CNTN6: variants seen among roughly 807,000 people sequenced by gnomAD.
CNTN6 encodes the protein contactin-6.
A neutral mutation model predicts 122.8 loss-of-function variants in CNTN6; 137 were observed. The observed-to-expected ratio is 1.12, with a 90% CI of 0.97 to 1.29. The LOEUF (loss-of-function observed/expected upper bound fraction) is 1.29, where lower values mean the gene tolerates loss of function less well. Among genes scored for constraint, CNTN6 ranks in the 50% most tolerant of loss-of-function variants. The pLI is 0.00. For synonymous variants in CNTN6, 570 were observed against 426.0 expected, an observed-to-expected ratio of 1.34 and a Z score of -4.16; for missense variants, 1,634 against 1,223.4, an observed-to-expected ratio of 1.34 and a Z score of -5.01.
At chr3:1,352,747 C>T (rs549354060) in intron 12 of CNTN6, among the ~76,000 whole-genome samples, 3 of 151,778 alleles carry the variant, frequency 2.0e-5, no homozygotes, top group East Asian at 3.9e-4. Flanking sequence ...GGGCCATGGA[C>T]GTTTTGATAA....
At chr3:1,283,815 C>T (rs934445462) in intron 5 of CNTN6, among the ~76,000 whole-genome samples, 1 of 152,222 alleles carries the variant, frequency 6.6e-6, no homozygotes, top group East Asian at 1.9e-4. Flanking sequence ...GCCTGGCCAA[C>T]ATGGTGAAAC....
chr3:1,287,591 T>C (rs1413381701), intron 5 of CNTN6, among the ~76,000 whole-genome samples: 1 of 152,140 alleles, frequency 6.6e-6, no homozygotes, highest in East Asian at 1.9e-4. Context: ...TCGGTAGGAC[T>C]GGCTTTGCAA....
intron 4 of CNTN6, among the ~76,000 whole-genome samples, chr3:1,249,597 A>C (rs1434237495): frequency 2.6e-5 from 4 of 152,224 alleles, no homozygotes; most frequent in African/African-American, 9.6e-5. Flanking sequence ...GACGTGATTT[A>C]ACAAGTCAAT....
intron 21 of CNTN6, 27 bp from the exon 22 acceptor site, chr3:1,402,291 G>T: frequency 6.3e-7 from 1 of 1,587,242 alleles, no homozygotes; most frequent in Non-Finnish European, 8.6e-7. Flanking sequence ...ACATGTCCAT[G>T]TTAACTTGAT....
At chr3:1,108,292 T>C (rs2091320115) in intron 1 of CNTN6, among the ~76,000 whole-genome samples, 1 of 152,074 alleles carries the variant, frequency 6.6e-6, no homozygotes, top group East Asian at 1.9e-4. Flanking sequence ...AATATTCGCA[T>C]ATATATAATG....
intron 11 of CNTN6, among the ~76,000 whole-genome samples, chr3:1,341,362 C>A (rs77978900): frequency 0.031 from 4,788 of 152,146 alleles, 126 homozygotes; most frequent in South Asian, 0.053. Flanking sequence ...AATGCTGCAG[C>A]GAATGGAGAC....
At chr3:1,218,258 G>A (rs2094155530) in intron 2 of CNTN6, among the ~76,000 whole-genome samples, 1 of 152,100 alleles carries the variant, frequency 6.6e-6, no homozygotes, top group African/African-American at 2.4e-5. Context: ...GGAGGGTGTT[G>A]AAGGCAGAAG....
chr3:1,368,110 T>A (rs1422497534), intron 12 of CNTN6, among the ~76,000 whole-genome samples: 1 of 152,220 alleles, frequency 6.6e-6, no homozygotes, highest in Admixed American at 6.5e-5. Flanking sequence ...CAGTCAATGA[T>A]AAGAACATTA....
At chr3:1,166,629 A>C (rs1453499482) in intron 2 of CNTN6, among the ~76,000 whole-genome samples, 1 of 152,172 alleles carries the variant, frequency 6.6e-6, no homozygotes, top group African/African-American at 2.4e-5. Flanking sequence ...GGGAGCTCTT[A>C]AGCTGATTAA....
chr3:1,146,957 T>C (rs1575016814), intron 1 of CNTN6, among the ~76,000 whole-genome samples: 1 of 152,128 alleles, frequency 6.6e-6, no homozygotes, highest in Admixed American at 6.6e-5. Flanking sequence ...TTTGATTAAA[T>C]TTGGAAAGCA....
chr3:1,228,154 A>G (rs533276710), intron 4 of CNTN6, among the ~76,000 whole-genome samples, 161 bp downstream of exon 4: 7 of 152,182 alleles, frequency 4.6e-5, no homozygotes, highest in Admixed American at 1.3e-4. Context: ...ATTCTTGGGT[A>G]TAATAGAAAC....
intron 4 of CNTN6, among the ~76,000 whole-genome samples, chr3:1,269,240 A>G (rs575648929): frequency 1.9e-3 from 287 of 152,310 alleles, no homozygotes; most frequent in Non-Finnish European, 2.5e-3. Flanking sequence ...TAGCTAGTGC[A>G]TGCACGGCCA....
intron 4 of CNTN6, among the ~76,000 whole-genome samples, chr3:1,231,836 A>T (rs1367404438): frequency 1.3e-5 from 2 of 152,226 alleles, no homozygotes; most frequent in Non-Finnish European, 2.9e-5. Flanking sequence ...CAAATTCAGC[A>T]GGAGTCTAGT....
intron 1 of CNTN6, among the ~76,000 whole-genome samples, chr3:1,119,843 C>A (rs1459004506): frequency 6.6e-6 from 1 of 152,038 alleles, no homozygotes. Context: ...ATACAGAATA[C>A]TTATATCACC....
At chr3:1,186,257 T>G (rs942117890) in intron 2 of CNTN6, among the ~76,000 whole-genome samples, 2 of 152,136 alleles carry the variant, frequency 1.3e-5, no homozygotes, top group Non-Finnish European at 2.9e-5. Context: ...AAGGGTTACT[T>G]ATCATTGGAA....
At chr3:1,201,099 T>TG (rs2093862065) in intron 2 of CNTN6, among the ~76,000 whole-genome samples, 139 of 130,088 alleles carry the variant, frequency 1.1e-3, no homozygotes, top group African/African-American at 3.3e-3. Context: ...AGCTAACATT[T>TG]TGTGTGTGTG....
At chr3:1,120,011 G>A (rs547600985) in intron 1 of CNTN6, among the ~76,000 whole-genome samples, 6 of 152,092 alleles carry the variant, frequency 3.9e-5, no homozygotes, top group Non-Finnish European at 7.4e-5. Flanking sequence ...TGGACATTTA[G>A]TTCAGCACAT....
intron 1 of CNTN6, among the ~76,000 whole-genome samples, chr3:1,126,014 A>G (rs1325630663): frequency 1.3e-5 from 2 of 151,884 alleles, no homozygotes; most frequent in African/African-American, 4.8e-5. Flanking sequence ...ACCGTTAACT[A>G]TACCCCAAAA....
intron 4 of CNTN6, among the ~76,000 whole-genome samples, chr3:1,263,297 A>G (rs181240092): frequency 6.6e-6 from 1 of 152,268 alleles, no homozygotes; most frequent in East Asian, 1.9e-4. Context: ...TCCTTCAACT[A>G]TGTGAACACT....
Sources: allele counts gnomAD v4.1 joint callset (sites outside exome capture counted in the v4.1 genomes callset), GRCh38; gene constraint gnomAD v4.1.1; transcripts MANE v1.5; gene names NCBI Gene and HGNC (gene_info 2026-07-23, HGNC 2026-07-21).